The following RTN1 variants were observed in gnomAD, a reference collection of about 807,000 sequenced individuals.
The protein encoded by RTN1 is reticulon 1.
RTN1 carries 25 observed loss-of-function variants against 65.5 expected under a neutral mutation model. That is an observed-to-expected ratio of 0.38 (90% CI 0.28 to 0.53). RTN1 has a LOEUF of 0.53. Among genes scored for constraint, RTN1 ranks in the 20% least tolerant of loss-of-function variants. RTN1 has a pLI of 0.79. For missense variants in RTN1, 983 were observed against 1,025.4 expected (o/e 0.96, Z 0.57); for synonymous variants, 471 against 447.6 (o/e 1.05, Z -0.66).
intron 3 of RTN1, among the ~76,000 whole-genome samples, chr14:59,684,458 G>A (rs1040185380): frequency 2.0e-5 from 3 of 151,820 alleles, no homozygotes; most frequent in African/African-American, 4.8e-5. Flanking sequence ...TCATGACTTA[G>A]ATATTATTTT....
At chr14:59,735,912 G>A (rs1189170535) in intron 2 of RTN1, among the ~76,000 whole-genome samples, 2 of 151,962 alleles carry the variant, frequency 1.3e-5, no homozygotes, top group African/African-American at 4.8e-5. Context: ...ACAACTACAG[G>A]GAAACTAAAC....
chr14:59,798,469 C>T (rs562110921), intron 1 of RTN1, among the ~76,000 whole-genome samples: 96 of 152,306 alleles, frequency 6.3e-4, no homozygotes, highest in African/African-American at 2.1e-3. Context: ...GGGTTAGTAG[C>T]ATGGGTTCTT....
chr14:59,862,849 C>T (rs1361832767), intron 1 of RTN1, among the ~76,000 whole-genome samples: 1 of 151,888 alleles, frequency 6.6e-6, no homozygotes, highest in African/African-American at 2.4e-5. Context: ...AATTTTATAC[C>T]TTCTCCCCTC....
In RTN1 at chr14:59,749,757, TTATATATCTATATGTATATTTA is replaced by T. The variant is rs1566712695; in HGVS notation, c.242-3298_242-3277del. Among the ~76,000 whole-genome samples, 486 of 91,210 alleles carry T rather than the reference TTATATATCTATATGTATATTTA, an allele frequency of 5.3e-3. 20 individuals carry two copies. Among genetic ancestry groups the T allele is most frequent in the East Asian group, 0.018 (60 of 3,348 alleles). 59.8% of individuals were successfully genotyped at this position (91,210 alleles called of 152,430 possible). A position where few individuals can be genotyped will look rare whatever the true frequency, so the allele number is the denominator to read the frequency against. Reference sequence around the variant, plus strand: ...TTTATATATATATCTATATGTATATTTATATATCTATATGTATATTTATATATATCTATATGTATATTTATAT... The same window carrying T: ...TTTATATATATATCTATATGTATATTTATATATCTATATGTATATTTATAT... On this transcript the variant is annotated intron_variant, in intron 1 of 8. Coordinates refer to ENST00000267484, the MANE Select transcript of RTN1 (RefSeq NM_021136.3).
intron 1 of RTN1, among the ~76,000 whole-genome samples, chr14:59,835,028 T>A (rs1438131974): frequency 3.9e-5 from 6 of 152,222 alleles, no homozygotes; most frequent in Non-Finnish European, 8.8e-5. Flanking sequence ...TGAAAGCAGA[T>A]GTTAATACAA....
chr14:59,708,369 G>A (rs925200549), intron 3 of RTN1, among the ~76,000 whole-genome samples: 3 of 152,184 alleles, frequency 2.0e-5, no homozygotes, highest in African/African-American at 7.2e-5. Flanking sequence ...AAATACCTTT[G>A]CATGATATTT....
intron 8 of RTN1, among the ~76,000 whole-genome samples, chr14:59,598,368 T>C (rs560234355): frequency 7.2e-5 from 11 of 152,266 alleles, no homozygotes; most frequent in African/African-American, 2.4e-4. Context: ...CTGAAGGAAA[T>C]ACAAGTTCTG....
intron 1 of RTN1, among the ~76,000 whole-genome samples, chr14:59,765,044 C>T (rs1456822799): frequency 6.6e-6 from 1 of 151,712 alleles, no homozygotes; most frequent in Admixed American, 6.6e-5. Context: ...TTTAAAATGT[C>T]TTTTAACTTC....
chr14:59,625,487 G>A (rs970158276), intron 3 of RTN1, among the ~76,000 whole-genome samples: 2 of 152,222 alleles, frequency 1.3e-5, no homozygotes, highest in South Asian at 4.1e-4. Context: ...TGGATCTGAC[G>A]TTCCACAATT....
At chr14:59,773,439 T>G (rs541153913) in intron 1 of RTN1, among the ~76,000 whole-genome samples, 75 of 152,312 alleles carry the variant, frequency 4.9e-4, no homozygotes, top group African/African-American at 1.7e-3. Flanking sequence ...TTCTGATGAC[T>G]TTAAAAAGTT....
intron 3 of RTN1, among the ~76,000 whole-genome samples, chr14:59,711,730 A>G (rs1464309966): frequency 6.6e-6 from 1 of 152,240 alleles, no homozygotes; most frequent in East Asian, 1.9e-4. Context: ...GAGATAGGCA[A>G]TAAACAAATA....
chr14:59,678,157 T>C (rs1009928164), intron 3 of RTN1, among the ~76,000 whole-genome samples: 1 of 152,138 alleles, frequency 6.6e-6, no homozygotes, highest in African/African-American at 2.4e-5. Flanking sequence ...GGACAAGTCC[T>C]GTTCTGGGGT....
chr14:59,677,703 G>A (rs1431828789), intron 3 of RTN1, among the ~76,000 whole-genome samples: 3 of 152,238 alleles, frequency 2.0e-5, no homozygotes, highest in African/African-American at 7.2e-5. Flanking sequence ...ACAGGTAAAT[G>A]GAAAACCATT....
chr14:59,836,761 A>G lies in RTN1; in HGVS notation c.241+33629T>C, dbSNP rs1044907559. ...AGATGGGTCAAGGAGGAAGAAAGCC[A>G]ATGCTGAGCGGGGTGACACATCGCA... On this transcript the variant is annotated intron_variant, in intron 1 of 8. Transcript: ENST00000267484. This position sits in a 1 kb window ranked among gnomAD's most constrained non-coding sequence, Gnocchi z 4.9. Among the ~76,000 whole-genome samples the G allele has an allele frequency of 1.3e-5, 2 of 152,174 alleles. No homozygotes were observed. Among genetic ancestry groups the G allele is most frequent in the Non-Finnish European group, 2.9e-5 (2 of 68,022 alleles).
chr14:59,771,324 A>C (rs1465043102), intron 1 of RTN1, among the ~76,000 whole-genome samples: 2 of 152,192 alleles, frequency 1.3e-5, no homozygotes, highest in Non-Finnish European at 2.9e-5. Context: ...CAATGGGTTG[A>C]CTAAGAATAA....
intron 1 of RTN1, among the ~76,000 whole-genome samples, chr14:59,828,345 G>A (rs529574923): frequency 4.6e-5 from 7 of 152,312 alleles, no homozygotes; most frequent in East Asian, 1.9e-4. Context: ...GCCTGAGACC[G>A]TGTGTAAATC....
chr14:59,699,482 T>C (rs1470930215), intron 3 of RTN1, among the ~76,000 whole-genome samples: 1 of 152,114 alleles, frequency 6.6e-6, no homozygotes, highest in Non-Finnish European at 1.5e-5. Flanking sequence ...AAAAAAATTG[T>C]ATAAACAAAT....
chr14:59,853,860 T>C (rs1887553012), intron 1 of RTN1, among the ~76,000 whole-genome samples: 1 of 149,750 alleles, frequency 6.7e-6, no homozygotes, highest in Non-Finnish European at 1.5e-5. Flanking sequence ...TATTAAACTT[T>C]TACTTTTTTT....
chr14:59,666,606 G>C (rs951091932), intron 3 of RTN1, among the ~76,000 whole-genome samples: 1 of 152,094 alleles, frequency 6.6e-6, no homozygotes, highest in African/African-American at 2.4e-5. Context: ...ACAGCTGAAA[G>C]AGATAGAGAC....
Sources: gnomAD v4.1 joint callset for allele counts (sites outside exome capture counted in the v4.1 genomes callset) on GRCh38, gnomAD v4.1.1 for gene constraint, Gnocchi (gnomAD v3.1) non-coding constraint, MANE v1.5 for transcripts, NCBI Gene and HGNC (gene_info 2026-07-23, HGNC 2026-07-21) for gene names.